Variants in CDK19 observed in about 807,000 individuals in gnomAD.
The protein encoded by CDK19 is cyclin dependent kinase 19, also known as cyclin-dependent kinase 19.
CDK19 carries 20 observed loss-of-function variants against 68.3 expected under a neutral mutation model. The ratio of observed to expected loss-of-function variants is 0.29; its 90% CI spans 0.21 to 0.43. CDK19 has a LOEUF of 0.43. Among genes scored for constraint, CDK19 ranks in the 20% least tolerant of loss-of-function variants. The pLI is 1.00. For missense variants in CDK19, 339 were observed against 623.5 expected (o/e 0.54, Z 4.86); for synonymous variants, 221 against 222.8 (o/e 0.99, Z 0.07).
chr6:110,723,690 G>A (rs917766318), intron 2 of CDK19, among the ~76,000 whole-genome samples: 1 of 152,096 alleles, frequency 6.6e-6, no homozygotes, highest in Non-Finnish European at 1.5e-5. Context: ...TTTCACAAAT[G>A]ACAATTAAAG....
chr6:110,667,421 GA>G lies in CDK19; in HGVS notation c.456+12del. 1 of 1,529,106 alleles carries G rather than the reference GA, an allele frequency of 6.5e-7. No individual in the cohort carries two copies. The highest frequency in any genetic ancestry group is 2.1e-5 in the Admixed American group (1 of 48,708). The allele number at this position is 1,529,106 out of a possible 1,614,324, so 94.7% of individuals were successfully genotyped here. On this transcript the variant is annotated intron_variant, in intron 4 of 12. Coordinates refer to ENST00000368911, the MANE Select transcript of CDK19 (RefSeq NM_015076.5). ...GAAAAACATATTGATGAATTTAAAAGAAAAATACTTACCAAGTCTCTGTGAA... is the reference window on the plus strand; with the variant it reads ...GAAAAACATATTGATGAATTTAAAAGAAAATACTTACCAAGTCTCTGTGAA...
chr6:110,793,603 T>C (rs1210591611), intron 1 of CDK19, among the ~76,000 whole-genome samples: 1 of 152,226 alleles, frequency 6.6e-6, no homozygotes, highest in African/African-American at 2.4e-5. Flanking sequence ...CTTTCCCACC[T>C]TTCATTGAAC....
At chr6:110,750,535 T>C (rs1279768650) in intron 1 of CDK19, among the ~76,000 whole-genome samples, 1 of 152,200 alleles carries the variant, frequency 6.6e-6, no homozygotes, top group African/African-American at 2.4e-5. Context: ...GATGCAAGGA[T>C]GATGCCACTA....
At chr6:110,726,954 A>G (rs2114774619) in intron 2 of CDK19, among the ~76,000 whole-genome samples, 1 of 152,318 alleles carries the variant, frequency 6.6e-6, no homozygotes, top group South Asian at 2.1e-4. Flanking sequence ...AAGATAATCA[A>G]GCTGGAAAGA....
intron 1 of CDK19, among the ~76,000 whole-genome samples, chr6:110,764,522 T>C (rs1205823178): frequency 6.6e-6 from 1 of 152,172 alleles, no homozygotes; most frequent in Non-Finnish European, 1.5e-5. Context: ...TGTTTCAACA[T>C]ACAGTGCTAG....
chr6:110,680,749 C>T (rs771538596), intron 2 of CDK19, among the ~76,000 whole-genome samples: 6 of 152,162 alleles, frequency 3.9e-5, no homozygotes, highest in Non-Finnish European at 5.9e-5. Context: ...GTTATCCCAG[C>T]ACTTTGGGAG....
intron 8 of CDK19, among the ~76,000 whole-genome samples, chr6:110,625,338 A>G (rs1327175572): frequency 6.6e-6 from 1 of 151,920 alleles, no homozygotes; most frequent in African/African-American, 2.4e-5. Context: ...TTTTTTTAAT[A>G]AAAATAGAGA....
rs1773618211 is a variant in CDK19 at position 110,697,869 on chromosome 6, C to G, written c.205-27328G>C. ...ACCCAGAAATAAAGCCAAATACTTA[C>G]AGTCAACTGATCTTCGACAAAGCAA... On this transcript the variant is annotated intron_variant, in intron 2 of 12. Coordinates refer to ENST00000368911, the MANE Select transcript of CDK19 (RefSeq NM_015076.5). 2.6e-5 allele frequency among the ~76,000 whole-genome samples: 4 copies of G among 152,118 alleles called. No homozygotes were observed. In the South Asian group the frequency reaches 8.3e-4, roughly 32 times the overall value.
chr6:110,775,658 T>C lies in CDK19; in HGVS notation c.129-29457A>G, dbSNP rs74628793. ...AGATCTCAGATTTTATTTCATTCTTTTCTGGTAATAGGGATAAAAGACTAC... is the reference window on the plus strand; with the variant it reads ...AGATCTCAGATTTTATTTCATTCTTCTCTGGTAATAGGGATAAAAGACTAC... On this transcript the variant is annotated intron_variant, in intron 1 of 12. Transcript: ENST00000368911. 1.9e-3 allele frequency among the ~76,000 whole-genome samples: 284 copies of C among 152,336 alleles called. 5 individuals carry two copies. In the East Asian group the frequency reaches 0.049, roughly 26 times the overall value.
chr6:110,672,817 G>GAA (rs1771135913), intron 2 of CDK19, among the ~76,000 whole-genome samples: 2 of 151,926 alleles, frequency 1.3e-5, no homozygotes, highest in South Asian at 4.2e-4. Context: ...TGGCATAAAA[G>GAA]AAAAATTTTT....
rs1778728028 is a variant in CDK19, at chr6:110,621,695, A to G, written c.1111-325T>C. On this transcript the variant is annotated intron_variant, in intron 11 of 12. Coordinates refer to ENST00000368911, the MANE Select transcript of CDK19 (RefSeq NM_015076.5). The surrounding 1 kb of genome is among the most constrained non-coding windows in gnomAD (Gnocchi z 5.4). ...TAGCTCATTAAAACAGCTAGAAGAA[A>G]TCTTTTCAATCGTGATTCTGGAAAG... is the stretch of plus-strand genomic sequence containing the variant. 6.6e-6 allele frequency among the ~76,000 whole-genome samples: 1 copy of G among 152,220 alleles called. No individual in the cohort carries two copies. The highest frequency in any genetic ancestry group is 2.4e-5 in the African/African-American group (1 of 41,448).
chr6:110,760,478 A>G (rs1342408529), intron 1 of CDK19, among the ~76,000 whole-genome samples: 1 of 151,562 alleles, frequency 6.6e-6, no homozygotes, highest in African/African-American at 2.4e-5. Flanking sequence ...CTGTTAATTC[A>G]AAACTTTGGG....
chr6:110,748,294 T>C (rs1367638330), intron 1 of CDK19, among the ~76,000 whole-genome samples: 1 of 152,194 alleles, frequency 6.6e-6, no homozygotes, highest in East Asian at 1.9e-4. Context: ...GGCTTTTGAA[T>C]TTCACATCCA....
chr6:110,621,440 T>C lies in CDK19; in HGVS notation c.1111-70A>G, dbSNP rs1226858700. On this transcript the variant is annotated intron_variant, in intron 11 of 12. Transcript: ENST00000368911. This position sits in a 1 kb window ranked among gnomAD's most constrained non-coding sequence, Gnocchi z 5.4. ...AGGAGCTTTCTTTAATTATTTGATA[T>C]GCACATGTGGCTGCTGACCAACCTG... The C allele has an allele frequency of 2.7e-6, 4 of 1,483,694 alleles. No homozygotes were observed. Among genetic ancestry groups the C allele is most frequent in the Non-Finnish European group, 3.6e-6 (4 of 1,106,728 alleles). 91.9% of individuals were successfully genotyped at this position (1,483,694 alleles called of 1,614,324 possible).
chr6:110,670,300 GTTTATA>G (rs1562180040), intron 3 of CDK19, 125 bp downstream of exon 3: 1 of 503,716 alleles, frequency 2.0e-6, no homozygotes, highest in Non-Finnish European at 3.6e-6. Context: ...CAACATTTAT[GTTTATA>G]TTGACTTTGA....
chr6:110,616,625 C>A (rs571157342), intron 12 of CDK19, among the ~76,000 whole-genome samples: 1 of 151,054 alleles, frequency 6.6e-6, no homozygotes, highest in African/African-American at 2.4e-5. Flanking sequence ...TCAAGATTGG[C>A]GCCACTGCAC....
intron 2 of CDK19, chr6:110,670,856 C>A (rs1226645217): frequency 2.2e-6 from 1 of 447,854 alleles, no homozygotes; most frequent in Non-Finnish European, 4.3e-6. Context: ...TGTAAAACAG[C>A]AAACAAAAGT....
chr6:110,636,175 G>A (rs1004010452), intron 5 of CDK19, among the ~76,000 whole-genome samples: 5 of 152,142 alleles, frequency 3.3e-5, no homozygotes, highest in Admixed American at 2.6e-4. Context: ...TACAAACAAG[G>A]GGAATACAAG....
chr6:110,745,488 GA>G (rs1477077890), intron 2 of CDK19, among the ~76,000 whole-genome samples: 1 of 151,940 alleles, frequency 6.6e-6, no homozygotes, highest in African/African-American at 2.4e-5. Flanking sequence ...TTAATAGTAT[GA>G]CCCCTTCCTC....
Sources: allele counts gnomAD v4.1 joint callset (sites outside exome capture counted in the v4.1 genomes callset), GRCh38; gene constraint gnomAD v4.1.1; non-coding constraint Gnocchi (gnomAD v3.1); transcripts MANE v1.5; gene names NCBI Gene and HGNC (gene_info 2026-07-23, HGNC 2026-07-21).